Variants in RBM45 observed in about 807,000 individuals in gnomAD.
The protein encoded by RBM45 is RNA binding motif protein 45.
RBM45 carries 39 observed loss-of-function variants against 58.5 expected under a neutral mutation model. That is an observed-to-expected ratio of 0.67 (90% CI 0.52 to 0.87). The LOEUF is 0.87. Ranked by LOEUF, RBM45 falls within the 40% of genes least tolerant of loss-of-function variation. The pLI, the probability that RBM45 is intolerant of heterozygous loss-of-function variation, is 0.00. For synonymous variants in RBM45, 193 were observed against 203.0 expected (o/e 0.95, Z 0.42); for missense variants, 481 against 581.6 (o/e 0.83, Z 1.78).
chr2:178,129,660 T>C (rs2087984063), downstream of RBM45: 1 of 152,666 alleles, frequency 6.6e-6, no homozygotes, highest in South Asian at 2.1e-4. Context: ...AACTAAATCA[T>C]GACTTATTTA....
At chr2:178,138,474 A>G (rs1460380880) in exon 4 of RBM45, 2 of 152,200 alleles carry the variant, frequency 1.3e-5, no homozygotes, top group African/African-American at 2.4e-5. Context: ...CACAAGACTG[A>G]AGATCCTCTT....
At position 178,120,546 on chromosome 2, in the gene RBM45, C is replaced by T. The variant is rs538840078; in HGVS notation, c.673+137C>T. ...AATCTTAAATGTAGTTTTTTTATTC[C>T]TAAAATGTGGATTATGACTCCTAAA... On this transcript the variant is annotated intron_variant, in intron 4 of 9. Transcript: ENST00000286070. 41 of 713,966 alleles carry T rather than the reference C, an allele frequency of 5.7e-5. 2 individuals are homozygous for T. The South Asian group carries it at 1.0e-3, about 18-fold the overall frequency. The allele number at this position is 713,966 out of a possible 1,614,324, so 44.2% of individuals were successfully genotyped here. A position where few individuals can be genotyped will look rare whatever the true frequency, so the allele number is the denominator to read the frequency against.
At chr2:178,120,530 TGTA>T (rs1482122472) in intron 4 of RBM45, 121 bp downstream of exon 4, 7 of 878,180 alleles carry the variant, frequency 8.0e-6, no homozygotes, top group Non-Finnish European at 1.1e-5. Flanking sequence ...AAATCTTAAA[TGTA>T]GTTTTTTTAT....
In RBM45 at chr2:178,123,884, G is replaced by A. The variant is rs764231422; in HGVS notation, c.1040G>A (p.Trp347Ter). ...GCTGCACAGCTTGCATCAATGGTGT[G>A]GAATAACCCAAGTCAGCAACAATTT... Reference protein sequence around the residue: ...MVAAQLASMVWNNPSQQQFMQ... With the variant: ...MVAAQLASMV The change falls in exon 7 of 10, where the codon TGG (tryptophan) becomes TAG (stop). Residue 347 changes from tryptophan (W) to a stop codon, truncating the protein, a stop_gained. Transcript: ENST00000286070. LOFTEE classifies it high-confidence loss of function. 5 of 1,613,846 alleles carry A rather than the reference G, an allele frequency of 3.1e-6. No homozygotes were observed. Among genetic ancestry groups the A allele is most frequent in the Non-Finnish European group, 4.2e-6 (5 of 1,179,956 alleles).
chr2:178,116,937 GA>G (rs1330984893), intron 2 of RBM45, among the ~76,000 whole-genome samples: 1 of 152,036 alleles, frequency 6.6e-6, no homozygotes, highest in Non-Finnish European at 1.5e-5. Context: ...TTGGGCCTTT[GA>G]AGGAATTATA....
At chr2:178,126,813 GATAC>G (rs1467000426) in intron 9 of RBM45, among the ~76,000 whole-genome samples, 11 of 152,050 alleles carry the variant, frequency 7.2e-5, no homozygotes, top group African/African-American at 2.7e-4. Context: ...TGTAAATTTT[GATAC>G]ATACAGCCAT....
intron 3 of RBM45, among the ~76,000 whole-genome samples, chr2:178,135,448 C>G (rs2153907739): frequency 6.6e-6 from 1 of 152,330 alleles, no homozygotes; most frequent in South Asian, 2.1e-4. Context: ...TACTTTTAGC[C>G]TAAATCTGGG....
At chr2:178,132,187 A>T (rs954075883), downstream of RBM45, among the ~76,000 whole-genome samples, 1 of 152,228 alleles carries the variant, frequency 6.6e-6, no homozygotes, top group Non-Finnish European at 1.5e-5. Context: ...GAGGTCTTGT[A>T]TGGTAGATTA....
chr2:178,118,653 T>C (rs1466656053), intron 3 of RBM45, among the ~76,000 whole-genome samples: 1 of 152,150 alleles, frequency 6.6e-6, no homozygotes, highest in African/African-American at 2.4e-5. Flanking sequence ...AATTTCAAGC[T>C]AGAGTGACAT....
intron 9 of RBM45, among the ~76,000 whole-genome samples, chr2:178,128,909 T>C (rs1245003547): frequency 1.3e-5 from 2 of 152,228 alleles, no homozygotes; most frequent in African/African-American, 2.4e-5. Flanking sequence ...TTTTATATGA[T>C]TGTGACAAGT....
Position 178,121,175 on chromosome 2 carries a change from C to A in RBM45, c.674-5C>A. ...AAAGATTTACTTTTTTTTATATTGT[C>A]GGAGAACAACAATCTGAATTTTCAA... On this transcript the variant is annotated splice_polypyrimidine_tract_variant and splice_region_variant and intron_variant, in intron 4 of 9. Coordinates refer to ENST00000286070, the MANE Select transcript of RBM45 (RefSeq NM_152945.4). 2 of 1,439,580 alleles carry A rather than the reference C, an allele frequency of 1.4e-6. No homozygotes were observed. The highest frequency in any genetic ancestry group is 9.5e-7 in the Non-Finnish European group (1 of 1,049,450). 89.2% of individuals were successfully genotyped at this position (1,439,580 alleles called of 1,614,324 possible).
Position 178,121,303 on chromosome 2 carries a change from A to G in RBM45, c.797A>G (p.Asp266Gly). 1 of 1,606,370 alleles carries G rather than the reference A, an allele frequency of 6.2e-7. No homozygotes were observed. The highest frequency in any genetic ancestry group is 8.5e-7 in the Non-Finnish European group (1 of 1,176,580). ...GAAGAACAGCTTTTCAGCATTTTTG[A>G]TATAGTACCAGGATTGGAATATTGT... The part of the protein sequence containing the change: ...FTEEQLFSIF[D>G]IVPGLEYCEV... The change falls in exon 5 of 10, where the codon GAT becomes GGT. Residue 266 changes from aspartate to glycine, a missense_variant. By Grantham distance (94) the Asp-to-Gly change is moderately conservative. Coordinates refer to ENST00000286070, the MANE Select transcript of RBM45 (RefSeq NM_152945.4).
At chr2:178,123,716 G>A in intron 6 of RBM45, 65 bp downstream of exon 6, 1 of 1,588,818 alleles carries the variant, frequency 6.3e-7, no homozygotes, top group African/African-American at 1.4e-5. Flanking sequence ...AGGACTTGAA[G>A]AATAAAAATA....
chr2:178,120,637 C>T (rs910517842), intron 4 of RBM45, among the ~76,000 whole-genome samples: 2 of 152,036 alleles, frequency 1.3e-5, no homozygotes, highest in African/African-American at 4.8e-5. Context: ...TGTTAAGTTA[C>T]GCATTCCTCA....
At position 178,112,655 on chromosome 2, in the gene RBM45, C is replaced by T. The variant is rs1405398377; in HGVS notation, c.109C>T (p.Pro37Ser). ...RIFLVISKYT[P>S]ESVLRERFSP... ...CTTCCTTGTGATCAGCAAGTACACACCTGAGTCGGTGCTGAGGGAGCGCTT... is the reference window on the plus strand; with the variant it reads ...CTTCCTTGTGATCAGCAAGTACACATCTGAGTCGGTGCTGAGGGAGCGCTT... Residue 37 changes from proline to serine, a missense_variant, in exon 1 of 10, where the codon CCT (proline) becomes TCT (serine). Physicochemically the swap from Pro to Ser is moderately conservative, Grantham distance 74. Transcript: ENST00000286070. 1.9e-6 allele frequency: 3 copies of T among 1,614,094 alleles called. No homozygotes were observed. The highest frequency in any genetic ancestry group is 4.5e-5 in the East Asian group (2 of 44,894).
chr2:178,120,463 T>C, intron 4 of RBM45, 54 bp downstream of exon 4: 1 of 1,506,756 alleles, frequency 6.6e-7, no homozygotes, highest in East Asian at 2.4e-5. Context: ...GCAATCTAAT[T>C]TGGGTTTTAA....
chr2:178,125,495 G>C (rs1164904998), intron 8 of RBM45, among the ~76,000 whole-genome samples: 1 of 152,110 alleles, frequency 6.6e-6, no homozygotes, highest in Non-Finnish European at 1.5e-5. Context: ...GGTATGCATG[G>C]TTATTTCTGC....
chr2:178,124,001 T>C (rs901243614), intron 7 of RBM45, 89 bp downstream of exon 7: 43 of 1,495,602 alleles, frequency 2.9e-5, no homozygotes, highest in Admixed American at 5.4e-5. Context: ...ATTATCTGTG[T>C]ATGAAAATTT....
chr2:178,124,162 A>T lies in RBM45; in HGVS notation c.1104A>T (p.Gln368His). 1 of 1,603,804 alleles carries T rather than the reference A, an allele frequency of 6.2e-7. No homozygotes were observed. The highest frequency in any genetic ancestry group is 8.5e-7 in the Non-Finnish European group (1 of 1,177,516). The change falls in exon 8 of 10, where the codon CAA becomes CAT. Residue 368 changes from glutamine to histidine, a missense_variant. Physicochemically the swap from Gln to His is conservative, Grantham distance 24. Transcript: ENST00000286070. ...GAAGCTCTGGATCACAGTTGCCTCA[A>T]ATCCAGACAGATGTTGTACTTCCAT... ...FGGSSGSQLP[Q>H]IQTDVVLPSC...
Sources: allele counts gnomAD v4.1 joint callset (sites outside exome capture counted in the v4.1 genomes callset), GRCh38; gene constraint gnomAD v4.1.1; transcripts MANE v1.5; gene names NCBI Gene and HGNC (gene_info 2026-07-23, HGNC 2026-07-21).